ERC1: variants seen among roughly 807,000 people sequenced by gnomAD.
ERC1 encodes RAB6 interacting protein 2.
A neutral mutation model predicts 132.0 loss-of-function variants in ERC1; 56 were observed. That is an observed-to-expected ratio of 0.42 (90% confidence interval 0.34 to 0.53). The LOEUF (loss-of-function observed/expected upper bound fraction) is 0.53, where lower values mean the gene tolerates loss of function less well. Among genes scored for constraint, ERC1 ranks in the 20% least tolerant of loss-of-function variants. The pLI is 0.03. For missense variants in ERC1, 1,202 were observed against 1,349.9 expected (o/e 0.89, Z 1.72); for synonymous variants, 478 against 476.1 (o/e 1.00, Z -0.05).
chr12:1,244,132 G>T (rs1459594917), intron 13 of ERC1, among the ~76,000 whole-genome samples: 1 of 152,140 alleles, frequency 6.6e-6, no homozygotes, highest in Non-Finnish European at 1.5e-5. Context: ...CATAATTCCA[G>T]ATTGAAGTTA....
intron 15 of ERC1, among the ~76,000 whole-genome samples, chr12:1,352,070 A>G (rs12296654): frequency 0.016 from 2,504 of 152,168 alleles, 72 homozygotes; most frequent in African/African-American, 0.056. Flanking sequence ...GAAATACCCA[A>G]TTCTCCCCAG....
At chr12:1,209,236 T>C (rs1957638478) in intron 12 of ERC1, among the ~76,000 whole-genome samples, 1 of 152,148 alleles carries the variant, frequency 6.6e-6, no homozygotes, top group Non-Finnish European at 1.5e-5. Context: ...CCCAAAGTGC[T>C]GGGATTACAG....
intron 18 of ERC1, among the ~76,000 whole-genome samples, chr12:1,455,155 C>T (rs1483588997): frequency 6.6e-6 from 1 of 152,158 alleles, no homozygotes; most frequent in Non-Finnish European, 1.5e-5. Context: ...CATTCATATG[C>T]TGTGTAAATA....
intron 13 of ERC1, 31 bp downstream of exon 13, chr12:1,236,935 G>A (rs373176602): frequency 5.8e-5 from 94 of 1,609,894 alleles, no homozygotes; most frequent in Non-Finnish European, 7.2e-5. Flanking sequence ...TGAAAGGATC[G>A]GGTGAAGACA....
intron 3 of ERC1, among the ~76,000 whole-genome samples, chr12:1,084,883 G>T (rs1301902824): frequency 6.6e-6 from 1 of 151,972 alleles, no homozygotes; most frequent in East Asian, 1.9e-4. Flanking sequence ...AAAAAATTTT[G>T]TAGAGACAGA....
chr12:1,477,463 G>C (rs1260530410), intron 18 of ERC1, among the ~76,000 whole-genome samples: 2 of 152,152 alleles, frequency 1.3e-5, no homozygotes, highest in South Asian at 2.1e-4. Flanking sequence ...GCAGAAAGAA[G>C]AACAACACCA....
intron 17 of ERC1, among the ~76,000 whole-genome samples, chr12:1,441,351 G>A (rs183060828): frequency 7.9e-5 from 12 of 152,184 alleles, no homozygotes; most frequent in Admixed American, 3.3e-4. Flanking sequence ...ATGAGCCACC[G>A]TGCCCGGCTG....
intron 2 of ERC1, among the ~76,000 whole-genome samples, chr12:1,049,206 A>C (rs534124595): frequency 2.0e-5 from 3 of 152,332 alleles, no homozygotes; most frequent in African/African-American, 7.2e-5. Context: ...TGATACTGGA[A>C]TTTGACATTT....
At chr12:1,228,467 A>G (rs2074772940) in intron 12 of ERC1, among the ~76,000 whole-genome samples, 1 of 152,096 alleles carries the variant, frequency 6.6e-6, no homozygotes, top group Non-Finnish European at 1.5e-5. Flanking sequence ...TCTATGTATG[A>G]GGTCATGTCA....
At chr12:1,365,634 A>T (rs1428889842) in intron 15 of ERC1, among the ~76,000 whole-genome samples, 2 of 152,254 alleles carry the variant, frequency 1.3e-5, no homozygotes, top group African/African-American at 4.8e-5. Context: ...TATAGAGTAT[A>T]TAGAGTAACT....
chr12:1,224,266 CACAG>C (rs544095826), intron 12 of ERC1, among the ~76,000 whole-genome samples: 11 of 152,112 alleles, frequency 7.2e-5, no homozygotes, highest in Non-Finnish European at 1.3e-4. Flanking sequence ...CACACACGTA[CACAG>C]ACAGACACGC....
chr12:1,009,885 T>C (rs1964397599), intron 1 of ERC1, among the ~76,000 whole-genome samples: 1 of 152,184 alleles, frequency 6.6e-6, no homozygotes, highest in South Asian at 2.1e-4. Flanking sequence ...TATGATATTT[T>C]TGTTATAAAG....
intron 12 of ERC1, among the ~76,000 whole-genome samples, chr12:1,208,957 A>ATTTTTTTTTTTTTTTTTTTT (rs538961813): frequency 2.8e-5 from 2 of 71,610 alleles, no homozygotes; most frequent in African/African-American, 1.3e-4. Flanking sequence ...CGCCCAGCTG[A>ATTTTTTTTTTTTTTTTTTTT]TTTTTTTTTT....
chr12:1,001,891 C>T lies in ERC1; in HGVS notation c.-157+10569C>T, dbSNP rs544796672. On this transcript the variant is annotated intron_variant, in intron 1 of 18. Coordinates refer to ENST00000360905, the MANE Select transcript of ERC1 (RefSeq NM_178040.4). ...TTTTTTTTTTCCTGAGACGGAGTCTCGCTCTGTTGCCCAGGCTGGAGTGCA... is the reference window on the plus strand; with the variant it reads ...TTTTTTTTTTCCTGAGACGGAGTCTTGCTCTGTTGCCCAGGCTGGAGTGCA... Among the ~76,000 whole-genome samples the T allele has an allele frequency of 3.2e-4, 42 of 130,328 alleles. No homozygotes were observed. The South Asian group carries it at 7.4e-3, about 23-fold the overall frequency. 85.5% of individuals were successfully genotyped at this position (130,328 alleles called of 152,430 possible).
chr12:1,313,827 T>C (rs1054570458), intron 15 of ERC1, among the ~76,000 whole-genome samples: 4 of 151,834 alleles, frequency 2.6e-5, no homozygotes, highest in African/African-American at 9.7e-5. Context: ...TCTACTATAA[T>C]ACAAAAATCA....
intron 12 of ERC1, among the ~76,000 whole-genome samples, chr12:1,229,405 G>A (rs566362969): frequency 6.6e-6 from 1 of 152,136 alleles, no homozygotes; most frequent in Non-Finnish European, 1.5e-5. Flanking sequence ...AGAGGCTGAG[G>A]CAGGAGGATC....
At chr12:1,363,286 A>G (rs1037307609) in intron 15 of ERC1, among the ~76,000 whole-genome samples, 6 of 152,220 alleles carry the variant, frequency 3.9e-5, no homozygotes, top group Admixed American at 1.3e-4. Flanking sequence ...TCTCAATAGC[A>G]CAGTAAAACT....
At chr12:1,181,863 G>T in intron 9 of ERC1, 62 bp from the exon 10 acceptor site, 2 of 1,512,040 alleles carry the variant, frequency 1.3e-6, no homozygotes, top group South Asian at 1.3e-5. Flanking sequence ...GCTAAAAGCA[G>T]AATTACAGTC....
At chr12:1,212,609 G>C (rs1480461410) in intron 12 of ERC1, among the ~76,000 whole-genome samples, 1 of 152,210 alleles carries the variant, frequency 6.6e-6, no homozygotes, top group South Asian at 2.1e-4. Context: ...ATTTAGGCTT[G>C]TGTACGATTC....
Sources: allele counts gnomAD v4.1 joint callset (sites outside exome capture counted in the v4.1 genomes callset), GRCh38; gene constraint gnomAD v4.1.1; transcripts MANE v1.5; gene names NCBI Gene and HGNC (gene_info 2026-07-23, HGNC 2026-07-21).